Variants in AHRR observed in about 807,000 individuals in gnomAD.
AHRR encodes ahR repressor.
Under a neutral mutation model 44.0 loss-of-function variants are expected in AHRR, and 28 were observed. The ratio of observed to expected loss-of-function variants is 0.64; its 90% confidence interval spans 0.47 to 0.87. The LOEUF is 0.87. Among genes scored for constraint, AHRR ranks in the 40% least tolerant of loss-of-function variants. The pLI is 0.00. For missense variants in AHRR, 990 were observed against 953.9 expected (o/e 1.04, Z -0.50); for synonymous variants, 434 against 407.0 (o/e 1.07, Z -0.80).
intron 5 of AHRR, among the ~76,000 whole-genome samples, chr5:417,773 C>T (rs1309522664): frequency 5.9e-5 from 9 of 152,252 alleles, no homozygotes; most frequent in Non-Finnish European, 1.3e-4. Context: ...AAATTGGTTC[C>T]AAATGCCATT....
At chr5:344,327 AC>A (rs1180705287) in intron 2 of AHRR, among the ~76,000 whole-genome samples, 1 of 149,884 alleles carries the variant, frequency 6.7e-6, no homozygotes, top group East Asian at 2.1e-4. Context: ...ACCCGCTGGG[AC>A]GGAGGGTGTG....
chr5:353,684 G>C (rs2126394531), intron 2 of AHRR, 46 bp from the exon 3 acceptor site: 1 of 1,560,314 alleles, frequency 6.4e-7, no homozygotes, highest in South Asian at 1.2e-5. Context: ...GGGGGCCTGT[G>C]GCTTCTGGTG....
In AHRR at chr5:342,842, G is replaced by A. The variant is rs990081432; in HGVS notation, c.-10-1051G>A. ...GTGGCAGGCAAGCTGACCAGCCTGG[G>A]CACAGATACTGGGCTGCTCCTCAGG... On this transcript the variant is annotated intron_variant, in intron 1 of 10. Coordinates refer to ENST00000684583, the MANE Select transcript of AHRR (RefSeq NM_001377236.1). This position sits in a 1 kb window ranked among gnomAD's most constrained non-coding sequence, Gnocchi z 4.3. 2.0e-5 allele frequency among the ~76,000 whole-genome samples: 3 copies of A among 152,256 alleles called. No homozygotes were observed. Among genetic ancestry groups the A allele is most frequent in the Non-Finnish European group, 2.9e-5 (2 of 68,038 alleles).
chr5:435,246 C>G lies in AHRR; in HGVS notation c.*412C>G, dbSNP rs985950635. 124 of 201,954 alleles carry G rather than the reference C, an allele frequency of 6.1e-4. No individual in the cohort carries two copies. The highest frequency in any genetic ancestry group is 9.7e-5 in the Non-Finnish European group (10 of 103,340). 12.5% of individuals were successfully genotyped at this position (201,954 alleles called of 1,614,324 possible). A position where few individuals can be genotyped will look rare whatever the true frequency, so the allele number is the denominator to read the frequency against. ...GGATGAAGCGGTCGGGTGATGCTCC[C>G]AAGTCCGCAGTCGGGGATGAAGCGG... is the stretch of plus-strand genomic sequence containing the variant. On this transcript the variant is annotated 3_prime_UTR_variant, in exon 11 of 11. Transcript: ENST00000684583.
In AHRR at chr5:367,274, G is replaced by C. The variant is rs80242871; in HGVS notation, c.245-9336G>C. The stretch of plus-strand genomic sequence containing the variant: ...GGAGAACGGGAGTTCGTGGGCACGT[G>C]GTGGGCCCTCAGCGTAGCCAGATGT... On this transcript the variant is annotated intron_variant, in intron 3 of 10. Transcript: ENST00000684583. Among the ~76,000 whole-genome samples, 32 of 152,308 alleles carry C rather than the reference G, an allele frequency of 2.1e-4. No individual in the cohort carries two copies. The South Asian group carries it at 2.7e-3, about 13-fold the overall frequency.
At chr5:328,030 C>A (rs559368770) in intron 1 of AHRR, among the ~76,000 whole-genome samples, 7 of 151,920 alleles carry the variant, frequency 4.6e-5, no homozygotes, top group African/African-American at 1.2e-4. Context: ...TGAGAACATG[C>A]GGTGTTTGTT....
intron 3 of AHRR, among the ~76,000 whole-genome samples, chr5:373,928 A>AG (rs546994793): frequency 6.7e-6 from 1 of 148,352 alleles, no homozygotes; most frequent in Non-Finnish European, 1.5e-5. Context: ...CGGGGGAAGT[A>AG]GGGGGGAAGT....
chr5:360,417 T>C (rs1249163907), intron 3 of AHRR, among the ~76,000 whole-genome samples: 1 of 152,198 alleles, frequency 6.6e-6, no homozygotes, highest in East Asian at 1.9e-4. Flanking sequence ...TGGGGTGCCC[T>C]GCACTACATG....
intron 1 of AHRR, among the ~76,000 whole-genome samples, chr5:325,844 G>A (rs910785796): frequency 6.6e-5 from 10 of 152,168 alleles, no homozygotes; most frequent in South Asian, 4.2e-4. Flanking sequence ...GTGCAGTGGC[G>A]TGATCTTGGC....
At chr5:384,697 C>T (rs550505916) in intron 4 of AHRR, among the ~76,000 whole-genome samples, 56 of 152,268 alleles carry the variant, frequency 3.7e-4, no homozygotes, top group African/African-American at 1.3e-3. Flanking sequence ...GCTGGGATTA[C>T]AGCCACCGCA....
At chr5:432,393 A>G in intron 8 of AHRR, 70 bp from the exon 9 acceptor site, 4 of 1,471,012 alleles carry the variant, frequency 2.7e-6, no homozygotes, top group Non-Finnish European at 3.8e-6. Context: ...TCTACCATCA[A>G]AACATGTTTC....
chr5:361,700 G>A (rs1229736208), intron 3 of AHRR, among the ~76,000 whole-genome samples: 1 of 152,180 alleles, frequency 6.6e-6, no homozygotes, highest in African/African-American at 2.4e-5. Context: ...TCTTCCTACT[G>A]GGTCCTGCCT....
At chr5:325,877 G>A (rs1315356600) in intron 1 of AHRR, among the ~76,000 whole-genome samples, 1 of 152,050 alleles carries the variant, frequency 6.6e-6, no homozygotes, top group Non-Finnish European at 1.5e-5. Context: ...CCACCTCCTG[G>A]GTTCAAGCGA....
chr5:343,859 C>T (rs1742458627), intron 1 of AHRR, 34 bp from the exon 2 acceptor site: 2 of 1,576,374 alleles, frequency 1.3e-6, no homozygotes, highest in East Asian at 2.4e-5. Flanking sequence ...GCACGTGGCG[C>T]GTTCCGGTGA....
chr5:414,549 A>G (rs926462781), intron 5 of AHRR, among the ~76,000 whole-genome samples: 8 of 152,158 alleles, frequency 5.3e-5, no homozygotes, highest in Non-Finnish European at 8.8e-5. Flanking sequence ...TGAGCTCACA[A>G]TGCAAGTTAT....
At chr5:397,163 CGTAGCTCCTGACCATCCAT>C (rs1205824423) in intron 4 of AHRR, among the ~76,000 whole-genome samples, 3 of 112,132 alleles carry the variant, frequency 2.7e-5, no homozygotes. Flanking sequence ...TGACCATCCA[CGTAGCTCCTGACCATCCAT>C]GTTAGCCCCT....
At chr5:372,963 A>C (rs1743628518) in intron 3 of AHRR, among the ~76,000 whole-genome samples, 1 of 152,158 alleles carries the variant, frequency 6.6e-6, no homozygotes, top group East Asian at 1.9e-4. Context: ...CCCCCAAGGG[A>C]GCCACTCTGC....
intron 2 of AHRR, among the ~76,000 whole-genome samples, chr5:353,087 G>A (rs1302350609): frequency 6.6e-6 from 1 of 152,148 alleles, no homozygotes; most frequent in East Asian, 1.9e-4. Context: ...GGGTAGAGCA[G>A]GCCTGCTCTG....
chr5:324,433 T>A (rs1355712019), intron 1 of AHRR, among the ~76,000 whole-genome samples: 1 of 147,724 alleles, frequency 6.8e-6, no homozygotes, highest in Non-Finnish European at 1.5e-5. Context: ...TTTTTTTTAA[T>A]AAAAATATAT....
Sources: gnomAD v4.1 joint callset for allele counts (sites outside exome capture counted in the v4.1 genomes callset) on GRCh38, gnomAD v4.1.1 for gene constraint, Gnocchi (gnomAD v3.1) non-coding constraint, MANE v1.5 for transcripts, NCBI Gene and HGNC (gene_info 2026-07-23, HGNC 2026-07-21) for gene names.